The following TRIO variants were observed in gnomAD, a reference collection of about 807,000 sequenced individuals.
TRIO encodes trio Rho guanine nucleotide exchange factor.
Under a neutral mutation model 351.9 loss-of-function variants are expected in TRIO, and 58 were observed. That is an observed-to-expected ratio of 0.16 (90% CI 0.13 to 0.21). TRIO has a LOEUF of 0.21. Among genes scored for constraint, TRIO ranks in the 10% least tolerant of loss-of-function variants. TRIO has a pLI of 1.00. For missense variants in TRIO, 3,201 were observed against 4,027.8 expected, an observed-to-expected ratio of 0.79 and a Z score of 5.56; for synonymous variants, 1,758 against 1,595.7, an observed-to-expected ratio of 1.10 and a Z score of -2.42.
At chr5:14,248,373 G>A (rs1397776784) in intron 1 of TRIO, among the ~76,000 whole-genome samples, 2 of 152,330 alleles carry the variant, frequency 1.3e-5, no homozygotes, top group Middle Eastern at 3.4e-3. Flanking sequence ...TGTGTTGAAT[G>A]CATTTTAGTA....
intron 55 of TRIO, among the ~76,000 whole-genome samples, chr5:14,506,024 G>A (rs535236529): frequency 5.3e-4 from 80 of 152,250 alleles, no homozygotes; most frequent in African/African-American, 1.8e-3. Context: ...GGCCGAGATG[G>A]GGCGATGTGT....
chr5:14,340,011 C>T lies in TRIO; in HGVS notation c.2046+3284C>T, dbSNP rs74955048. 5.7e-3 allele frequency among the ~76,000 whole-genome samples: 867 copies of T among 152,172 alleles called. 1 individual carries two copies. Among genetic ancestry groups the T allele is most frequent in the Non-Finnish European group, 0.01 (703 of 67,996 alleles). ...TAAATGTATTTGCATATCAGATGAA[C>T]GAAAAATTGCTAAAAGATACACATT... is the stretch of plus-strand genomic sequence containing the variant. On this transcript the variant is annotated intron_variant, in intron 11 of 56. Transcript: ENST00000344204.
chr5:14,506,183 TG>T (rs374846140), intron 55 of TRIO, among the ~76,000 whole-genome samples: 180 of 152,338 alleles, frequency 1.2e-3, no homozygotes, highest in African/African-American at 4.1e-3. Flanking sequence ...CTTGAGTGCT[TG>T]TCACAAATCT....
intron 7 of TRIO, among the ~76,000 whole-genome samples, chr5:14,299,331 T>G (rs1368220029): frequency 6.6e-6 from 1 of 152,078 alleles, no homozygotes; most frequent in Non-Finnish European, 1.5e-5. Flanking sequence ...GCGCCTGAAG[T>G]CTCAGTGCAT....
chr5:14,143,697 C>A lies in TRIO; in HGVS notation c.-29C>A. On this transcript the variant is annotated 5_prime_UTR_variant, in exon 1 of 57. Coordinates refer to ENST00000344204, the MANE Select transcript of TRIO (RefSeq NM_007118.4). ...GGCGCTAGGGGCGCGGGGCCCGAGGCGGGCGCGGCCGCGGGCGCCGCCGCA... is the reference window on the plus strand; with the variant it reads ...GGCGCTAGGGGCGCGGGGCCCGAGGAGGGCGCGGCCGCGGGCGCCGCCGCA... The A allele has an allele frequency of 1.0e-6, 1 of 972,106 alleles. No individual in the cohort carries two copies. Among genetic ancestry groups the A allele is most frequent in the Non-Finnish European group, 1.2e-6 (1 of 821,778 alleles). 60.2% of individuals were successfully genotyped at this position (972,106 alleles called of 1,614,324 possible). A position where few individuals can be genotyped will look rare whatever the true frequency, so the allele number is the denominator to read the frequency against.
At position 14,461,301 on chromosome 5, in the gene TRIO, C is replaced by A. The variant is rs760274582; in HGVS notation, c.5486C>A (p.Thr1829Lys). ...DDSAATPQDE[T>K]VEERGRNEGL... ...AGTGCGGCCACCCCGCAGGACGAGA[C>A]GGTCGAGGAGGTGAGGCTCTGCCCG... The change falls in exon 35 of 57, where the codon ACG becomes AAG. Residue 1829 changes from threonine to lysine, a missense_variant. Thr to Lys is a moderately conservative substitution (Grantham distance 78). Transcript: ENST00000344204. The A allele has an allele frequency of 3.2e-6, 5 of 1,577,950 alleles. No homozygotes were observed. The highest frequency in any genetic ancestry group is 2.3e-5 in the East Asian group (1 of 43,958).
chr5:14,286,802 G>A lies in TRIO; in HGVS notation c.348-69G>A, dbSNP rs1401448692. On this transcript the variant is annotated intron_variant, in intron 3 of 56. Coordinates refer to ENST00000344204, the MANE Select transcript of TRIO (RefSeq NM_007118.4). The surrounding 1 kb of genome is among the most constrained non-coding windows in gnomAD (Gnocchi z 4.4). ...AGGGAAGCTGGGTCTGTGGCACCCA[G>A]TGGGACTCTGACCAGGCAGAGTGGC... 1 of 1,533,560 alleles carries A rather than the reference G, an allele frequency of 6.5e-7. No individual in the cohort carries two copies. Among genetic ancestry groups the A allele is most frequent in the Non-Finnish European group, 8.8e-7 (1 of 1,134,274 alleles). The allele number at this position is 1,533,560 out of a possible 1,614,324, so 95.0% of individuals were successfully genotyped here. A position where few individuals can be genotyped will look rare whatever the true frequency, so the allele number is the denominator to read the frequency against.
chr5:14,337,559 A>G lies in TRIO; in HGVS notation c.2046+832A>G, dbSNP rs188200596. Among the ~76,000 whole-genome samples the G allele has an allele frequency of 2.1e-4, 32 of 152,264 alleles. No homozygotes were observed. In the South Asian group the frequency reaches 6.6e-3, roughly 32 times the overall value. On this transcript the variant is annotated intron_variant, in intron 11 of 56. Coordinates refer to ENST00000344204, the MANE Select transcript of TRIO (RefSeq NM_007118.4). Reference sequence around the variant, plus strand: ...TTCTGGGTAACTGGGGACTATGCACATGGAAGCTTGTGGTCATAGGATGGG... The same window carrying G: ...TTCTGGGTAACTGGGGACTATGCACGTGGAAGCTTGTGGTCATAGGATGGG...
At chr5:14,400,865 C>T (rs1748017180) in intron 30 of TRIO, 98 bp from the exon 31 acceptor site, 1 of 1,049,396 alleles carries the variant, frequency 9.5e-7, no homozygotes, top group African/African-American at 1.6e-5. Flanking sequence ...TATAACCTAA[C>T]ATGGCCACAA....
chr5:14,342,055 A>G (rs574478603), intron 11 of TRIO, among the ~76,000 whole-genome samples: 9 of 152,102 alleles, frequency 5.9e-5, no homozygotes, highest in South Asian at 4.2e-4. Context: ...ATGCCTAACA[A>G]TTGAGCATCC....
chr5:14,169,499 G>GC (rs1788974683), intron 1 of TRIO, among the ~76,000 whole-genome samples: 1 of 152,110 alleles, frequency 6.6e-6, no homozygotes, highest in African/African-American at 2.4e-5. Context: ...GAAATAACTT[G>GC]CCCAGTTTCA....
intron 1 of TRIO, among the ~76,000 whole-genome samples, chr5:14,202,667 T>C (rs931121204): frequency 1.3e-5 from 2 of 149,896 alleles, no homozygotes; most frequent in African/African-American, 4.9e-5. Context: ...ATCTGATGAT[T>C]TTATAAGGAG....
Position 14,419,887 on chromosome 5 carries a change from A to C in TRIO, c.5069A>C (p.His1690Pro). The change falls in exon 34 of 57, where the codon CAT (histidine) becomes CCT (proline). Residue 1690 changes from histidine (H) to proline (P), a missense_variant. Physicochemically the swap from His to Pro is moderately conservative, Grantham distance 77. This residue lies in a region of TRIO where 193 missense variants were observed against 218.8 expected (regional missense o/e 0.88). Coordinates refer to ENST00000344204, the MANE Select transcript of TRIO (RefSeq NM_007118.4). ...ACCGTGGAAGTTCTGGAGCGGCCGCATGACAAGCCTGACTGGTGTCTGGTG... is the reference window on the plus strand; with the variant it reads ...ACCGTGGAAGTTCTGGAGCGGCCGCCTGACAAGCCTGACTGGTGTCTGGTG... ...GQTVEVLERP[H>P]DKPDWCLVRT... 6.2e-7 allele frequency: 1 copy of C among 1,614,196 alleles called. No individual in the cohort carries two copies. Among genetic ancestry groups the C allele is most frequent in the Non-Finnish European group, 8.5e-7 (1 of 1,180,018 alleles).
intron 1 of TRIO, among the ~76,000 whole-genome samples, chr5:14,250,651 C>T (rs74871840): frequency 0.12 from 17,861 of 152,132 alleles, 1,433 homozygotes; most frequent in African/African-American, 0.22. Context: ...CCTGTACACT[C>T]GAGAGGGATG....
Position 14,425,295 on chromosome 5 carries a change from G to A in TRIO, c.5203+5274G>A, listed in dbSNP as rs547526463. On this transcript the variant is annotated intron_variant, in intron 34 of 56. Transcript: ENST00000344204. ...CTCCATGAGTTTGACTGTTGTAGGT[G>A]CCTCATGTGAGTAGAAAGTCATGTA... Among the ~76,000 whole-genome samples, 13 of 152,296 alleles carry A rather than the reference G, an allele frequency of 8.5e-5. No individual in the cohort carries two copies. The South Asian group carries it at 2.5e-3, about 29-fold the overall frequency.
chr5:14,461,278 T>C lies in TRIO; in HGVS notation c.5463T>C (p.Ser1821=). ...GCTCGCAGAAGGACTCCGACGACAG[T>C]GCGGCCACCCCGCAGGACGAGACGG... ...DAGSQKDSDD[S]AATPQDETVE... Residue 1821 remains serine (S), a synonymous_variant, in exon 35 of 57, where the codon AGT becomes AGC. Transcript: ENST00000344204. 2.5e-6 allele frequency: 4 copies of C among 1,595,300 alleles called. No homozygotes were observed. Among genetic ancestry groups the C allele is most frequent in the Non-Finnish European group, 3.4e-6 (4 of 1,172,034 alleles).
In TRIO at chr5:14,488,159, C is replaced by G. The variant is rs765654860; in HGVS notation, c.7531C>G (p.Arg2511Gly). The change falls in exon 48 of 57, where the codon CGG becomes GGG. Residue 2511 changes from arginine to glycine, a missense_variant. Physicochemically the swap from Arg to Gly is moderately radical, Grantham distance 125. This residue lies in a region of TRIO where 1,089 missense variants were observed against 954.9 expected (regional missense o/e 1.14). Coordinates refer to ENST00000344204, the MANE Select transcript of TRIO (RefSeq NM_007118.4). ...TFPGDSDSLQ[R>G]QTPRHAAPGK... ...CCCGGGGGACAGCGACTCCCTCCAGCGGCAGACACCCCGCCACGCGGCCCC... is the reference window on the plus strand; with the variant it reads ...CCCGGGGGACAGCGACTCCCTCCAGGGGCAGACACCCCGCCACGCGGCCCC... 6.2e-7 allele frequency: 1 copy of G among 1,605,416 alleles called. No homozygotes were observed. Among genetic ancestry groups the G allele is most frequent in the Non-Finnish European group, 8.5e-7 (1 of 1,179,468 alleles).
chr5:14,457,683 TTC>T (rs1006012377), intron 34 of TRIO, among the ~76,000 whole-genome samples: 1 of 152,210 alleles, frequency 6.6e-6, no homozygotes, highest in African/African-American at 2.4e-5. Flanking sequence ...CTGTGGTTCC[TTC>T]TCTCATGCGT....
chr5:14,367,930 A>G (rs1009007830), intron 16 of TRIO, among the ~76,000 whole-genome samples: 1 of 152,188 alleles, frequency 6.6e-6, no homozygotes, highest in Non-Finnish European at 1.5e-5. Context: ...AAGGATTAGA[A>G]TATATTGTAT....
Sources: allele counts gnomAD v4.1 joint callset (sites outside exome capture counted in the v4.1 genomes callset), GRCh38; gene constraint gnomAD v4.1.1; regional missense constraint gnomAD v4.1.1; non-coding constraint Gnocchi (gnomAD v3.1); transcripts MANE v1.5; gene names NCBI Gene and HGNC (gene_info 2026-07-23, HGNC 2026-07-21).